VIT: variants seen among roughly 807,000 people sequenced by gnomAD.
VIT encodes vitrin.
Under a neutral mutation model 78.0 loss-of-function variants are expected in VIT, and 99 were observed. That is an observed-to-expected ratio of 1.27 (90% CI 1.08 to 1.50). VIT has a LOEUF of 1.50. Among genes scored for constraint, VIT ranks in the 40% most tolerant of loss-of-function variants. The pLI is 0.00. For missense variants in VIT, 1,126 were observed against 875.3 expected, an observed-to-expected ratio of 1.29 and a Z score of -3.61; for synonymous variants, 374 against 334.3, an observed-to-expected ratio of 1.12 and a Z score of -1.29.
At chr2:36,768,454 C>A (rs1425296018) in intron 7 of VIT, among the ~76,000 whole-genome samples, 1 of 152,164 alleles carries the variant, frequency 6.6e-6, no homozygotes, top group Non-Finnish European at 1.5e-5. Flanking sequence ...AATAAAAATG[C>A]AAATCAGCAC....
chr2:36,755,955 AT>A (rs58344336), intron 5 of VIT, among the ~76,000 whole-genome samples: 29 of 108,600 alleles, frequency 2.7e-4, no homozygotes, highest in African/African-American at 4.9e-4. Context: ...ACAACACAGT[AT>A]TTTTTTTTTT....
At chr2:36,727,253 T>A (rs1666913227) in intron 2 of VIT, among the ~76,000 whole-genome samples, 2 of 152,142 alleles carry the variant, frequency 1.3e-5, no homozygotes, top group African/African-American at 4.8e-5. Flanking sequence ...TTTTTTTATG[T>A]TCCCTGCATT....
At position 36,805,432 on chromosome 2, in the gene VIT, T is replaced by C; in HGVS notation, c.1163-6T>C. 6.3e-7 allele frequency: 1 copy of C among 1,593,678 alleles called. No homozygotes were observed. Among genetic ancestry groups the C allele is most frequent in the South Asian group, 1.1e-5 (1 of 87,324 alleles). ...ACTCCAAGCATGAATTTTCTTTTTCTTCCAGGTCGGGCCATCTCCTTTGTG... is the reference window on the plus strand; with the variant it reads ...ACTCCAAGCATGAATTTTCTTTTTCCTCCAGGTCGGGCCATCTCCTTTGTG... On this transcript the variant is annotated splice_polypyrimidine_tract_variant and splice_region_variant and intron_variant, in intron 13 of 15. Transcript: ENST00000379242.
chr2:36,781,898 C>A, intron 10 of VIT, 127 bp downstream of exon 10: 1 of 1,158,278 alleles, frequency 8.6e-7, no homozygotes, highest in Non-Finnish European at 1.2e-6. Flanking sequence ...TAATGGCTCC[C>A]GCCTCTGATT....
chr2:36,762,064 C>T (rs983749826), intron 6 of VIT, among the ~76,000 whole-genome samples: 1 of 152,064 alleles, frequency 6.6e-6, no homozygotes, highest in Non-Finnish European at 1.5e-5. Context: ...AAACTATAGC[C>T]AAATGATAAC....
In VIT at chr2:36,729,481, G is replaced by T; in HGVS notation, c.108G>T (p.Arg36Ser). ...AAGAAACGGCAAAGAAGATTAAAAGGCCCAAGTTCAGTAAGTAAAATCACA... is the reference window on the plus strand; with the variant it reads ...AAGAAACGGCAAAGAAGATTAAAAGTCCCAAGTTCAGTAAGTAAAATCACA... Reference protein sequence around the residue: ...SNKETAKKIKRPKFTVPQINC... With the variant: ...SNKETAKKIKSPKFTVPQINC... The change falls in exon 3 of 16, where the codon AGG becomes AGT. Residue 36 changes from arginine (R) to serine (S), a missense_variant. Coordinates refer to ENST00000379242, the MANE Select transcript of VIT (RefSeq NM_053276.4). 1 of 1,608,640 alleles carries T rather than the reference G, an allele frequency of 6.2e-7. No homozygotes were observed. The highest frequency in any genetic ancestry group is 8.5e-7 in the Non-Finnish European group (1 of 1,177,590).
chr2:36,795,233 T>C (rs1225068341), intron 12 of VIT, among the ~76,000 whole-genome samples: 1 of 152,088 alleles, frequency 6.6e-6, no homozygotes, highest in Non-Finnish European at 1.5e-5. Flanking sequence ...AACTTGTAAT[T>C]CCAGGAACTT....
At chr2:36,794,321 T>C (rs2148650763) in intron 12 of VIT, among the ~76,000 whole-genome samples, 1 of 97,590 alleles carries the variant, frequency 1.0e-5, no homozygotes. Flanking sequence ...AAATCTTTGA[T>C]ATTCCCTAGA....
chr2:36,808,508 G>A lies in VIT; in HGVS notation c.1426G>A (p.Val476Met), dbSNP rs780730381. 4.9e-5 allele frequency: 79 copies of A among 1,612,724 alleles called. No homozygotes were observed. Among genetic ancestry groups the A allele is most frequent in the Admixed American group, 1.3e-4 (8 of 59,986 alleles). Residue 476 changes from valine to methionine, a missense_variant, in exon 15 of 16, where the codon GTG becomes ATG. Physicochemically the swap from Val to Met is conservative, Grantham distance 21. Coordinates refer to ENST00000379242, the MANE Select transcript of VIT (RefSeq NM_053276.4). ...CRTNGFYSLHVQSWFGLHKTL... is the reference protein window; with the variant it reads ...CRTNGFYSLHMQSWFGLHKTL... The stretch of plus-strand genomic sequence containing the variant: ...AACAAACGGCTTCTACTCGCTCCAC[G>A]TGCAGAGCTGGTTTGGCCTCCACAA...
intron 7 of VIT, among the ~76,000 whole-genome samples, chr2:36,772,614 G>C (rs1669830097): frequency 6.6e-6 from 1 of 152,204 alleles, no homozygotes; most frequent in African/African-American, 2.4e-5. Flanking sequence ...GGCTGAGGCA[G>C]GAGGATCACT....
intron 15 of VIT, among the ~76,000 whole-genome samples, chr2:36,812,432 A>G (rs1338395458): frequency 6.6e-6 from 1 of 152,134 alleles, no homozygotes; most frequent in Non-Finnish European, 1.5e-5. Context: ...ATTGTAGAGT[A>G]AGGTCAAGCA....
chr2:36,763,216 C>A (rs1011965854), intron 6 of VIT, among the ~76,000 whole-genome samples: 2 of 152,148 alleles, frequency 1.3e-5, no homozygotes, highest in Non-Finnish European at 2.9e-5. Context: ...GACCAGGGCC[C>A]TGGAACCTGC....
chr2:36,733,638 G>A (rs1358454615), intron 3 of VIT, among the ~76,000 whole-genome samples: 1 of 152,218 alleles, frequency 6.6e-6, no homozygotes, highest in African/African-American at 2.4e-5. Flanking sequence ...GTATGAAAGT[G>A]TGTACAAAGT....
chr2:36,765,159 G>C (rs1326255698), intron 6 of VIT, among the ~76,000 whole-genome samples: 3 of 152,106 alleles, frequency 2.0e-5, no homozygotes, highest in Non-Finnish European at 2.9e-5. Flanking sequence ...CGGTTATTCT[G>C]GATTCCCCAG....
chr2:36,803,396 C>T (rs990179542), intron 13 of VIT, among the ~76,000 whole-genome samples: 1 of 152,168 alleles, frequency 6.6e-6, no homozygotes, highest in African/African-American at 2.4e-5. Flanking sequence ...ATTTTCAAGA[C>T]CCACTGGAAG....
rs576351821 is a variant in VIT at position 36,757,386 on chromosome 2, C to T, written c.410-1583C>T. The stretch of plus-strand genomic sequence containing the variant: ...ATATGAAATGTCAGTGAGGGACCCC[C>T]TAATACTTCCCTTTTATCCTTTGAT... On this transcript the variant is annotated intron_variant, in intron 5 of 15. Coordinates refer to ENST00000379242, the MANE Select transcript of VIT (RefSeq NM_053276.4). Among the ~76,000 whole-genome samples the T allele has an allele frequency of 7.9e-5, 12 of 152,324 alleles. No individual in the cohort carries two copies. The South Asian group carries it at 2.5e-3, about 32-fold the overall frequency.
At chr2:36,782,797 G>C (rs1324379708) in intron 10 of VIT, among the ~76,000 whole-genome samples, 1 of 152,156 alleles carries the variant, frequency 6.6e-6, no homozygotes, top group African/African-American at 2.4e-5. Context: ...CACCTGGGAG[G>C]GAGGAGTTGC....
chr2:36,767,030 T>A, intron 6 of VIT, 64 bp from the exon 7 acceptor site: 1 of 1,431,766 alleles, frequency 7.0e-7, no homozygotes, highest in Non-Finnish European at 9.2e-7. Flanking sequence ...TTTATTTTAT[T>A]TCTAGTTCTA....
intron 4 of VIT, among the ~76,000 whole-genome samples, chr2:36,754,369 T>C (rs771050280): frequency 1.3e-5 from 2 of 152,170 alleles, no homozygotes; most frequent in Non-Finnish European, 2.9e-5. Context: ...AAGACATTCA[T>C]ATGTCAGTCA....
Sources: allele counts gnomAD v4.1 joint callset (sites outside exome capture counted in the v4.1 genomes callset), GRCh38; gene constraint gnomAD v4.1.1; transcripts MANE v1.5; gene names NCBI Gene and HGNC (gene_info 2026-07-23, HGNC 2026-07-21).